The following NEK9 variants were observed in gnomAD, a reference collection of about 807,000 sequenced individuals.
The protein encoded by NEK9 is serine/threonine-protein kinase Nek9.
NEK9 carries 75 observed loss-of-function variants against 123.4 expected under a neutral mutation model. That is an observed-to-expected ratio of 0.61 (90% CI 0.50 to 0.74). The LOEUF is 0.74. Among genes scored for constraint, NEK9 ranks in the 30% least tolerant of loss-of-function variants. NEK9 has a pLI of 0.00. For missense variants in NEK9, 952 were observed against 1,214.4 expected (o/e 0.78, Z 3.21); for synonymous variants, 438 against 458.7 (o/e 0.95, Z 0.58).
intron 17 of NEK9, 41 bp from the exon 18 acceptor site, chr14:75,095,472 A>T: frequency 7.3e-7 from 1 of 1,372,872 alleles, no homozygotes; most frequent in Non-Finnish European, 1.0e-6. Flanking sequence ...GTATACTGAT[A>T]TAGGCAAGAA....
intron 8 of NEK9, among the ~76,000 whole-genome samples, chr14:75,111,030 T>C (rs893059557): frequency 2.6e-5 from 4 of 152,196 alleles, no homozygotes; most frequent in African/African-American, 7.2e-5. Flanking sequence ...CATTTTACTA[T>C]ACTAATTTAA....
chr14:75,119,268 G>A (rs1433021317), intron 4 of NEK9, among the ~76,000 whole-genome samples: 1 of 151,458 alleles, frequency 6.6e-6, no homozygotes, highest in African/African-American at 2.4e-5. Flanking sequence ...AGTCATGATT[G>A]CACCACTACA....
rs748228678 is a variant in NEK9 at position 75,084,588 on chromosome 14, T to G, written c.2916A>C (p.Thr972=). The G allele has an allele frequency of 6.2e-7, 1 of 1,614,190 alleles. No individual in the cohort carries two copies. The highest frequency in any genetic ancestry group is 8.5e-7 in the Non-Finnish European group (1 of 1,180,000). ...ACTAGAGGCTGGGTCTACAGGAGTCTGTTCCCAGGAGGCACCAGGAATCTG... is the reference window on the plus strand; with the variant it reads ...ACTAGAGGCTGGGTCTACAGGAGTCGGTTCCCAGGAGGCACCAGGAATCTG... ...LDSDSWCLLG[T]DSCRPSL The change falls in exon 22 of 22, where the codon ACA becomes ACC. Residue 972 remains threonine, a synonymous_variant. Transcript: ENST00000238616.
intron 18 of NEK9, among the ~76,000 whole-genome samples, chr14:75,093,146 A>G (rs997751727): frequency 2.6e-5 from 4 of 152,230 alleles, no homozygotes; most frequent in Admixed American, 1.3e-4. Context: ...GCTTAAACTT[A>G]AAGAGAATTA....
intron 1 of NEK9, among the ~76,000 whole-genome samples, chr14:75,124,508 T>C (rs1479910517): frequency 6.6e-6 from 1 of 152,206 alleles, no homozygotes. Flanking sequence ...AAAGATTCTA[T>C]TGAGGATACT....
At position 75,118,834 on chromosome 14, in the gene NEK9, T is replaced by C; in HGVS notation, c.626A>G (p.Glu209Gly). ...KKLNSEYSMA[E>G]TLVGTPYYMS... ...TAAGACAAGGGCAACACATACCGTC[T>C]CAGCCATGGAATACTCAGAATTAAG... is the stretch of plus-strand genomic sequence containing the variant. The change falls in exon 5 of 22, where the codon GAG becomes GGG. Residue 209 changes from glutamate (E) to glycine (G), a missense_variant. Glu to Gly is a moderately conservative substitution (Grantham distance 98). Coordinates refer to ENST00000238616, the MANE Select transcript of NEK9 (RefSeq NM_033116.6). The C allele has an allele frequency of 6.4e-7, 1 of 1,569,308 alleles. No individual in the cohort carries two copies. The highest frequency in any genetic ancestry group is 8.8e-7 in the Non-Finnish European group (1 of 1,139,334).
intron 16 of NEK9, among the ~76,000 whole-genome samples, chr14:75,100,778 A>G (rs1894549532): frequency 6.6e-6 from 1 of 152,276 alleles, no homozygotes; most frequent in African/African-American, 2.4e-5. Flanking sequence ...TTAACCTATC[A>G]TTATCTAGAA....
intron 14 of NEK9, among the ~76,000 whole-genome samples, chr14:75,102,409 G>A (rs532218415): frequency 2.4e-3 from 370 of 151,992 alleles, no homozygotes; most frequent in African/African-American, 8.5e-3. Context: ...GTGCAGTGGC[G>A]CGGTCTCGGC....
chr14:75,087,348 T>A (rs1017679144), intron 20 of NEK9, 118 bp from the exon 21 acceptor site: 2 of 673,596 alleles, frequency 3.0e-6, no homozygotes, highest in Non-Finnish European at 5.1e-6. Flanking sequence ...AAATCATATA[T>A]ACACATGAAT....
chr14:75,113,062 A>G (rs969955838), intron 8 of NEK9, among the ~76,000 whole-genome samples: 12 of 152,220 alleles, frequency 7.9e-5, no homozygotes, highest in African/African-American at 2.4e-4. Flanking sequence ...CCTCTTCCTT[A>G]CTGCACTCTA....
chr14:75,104,355 G>A (rs893460426), intron 13 of NEK9, among the ~76,000 whole-genome samples: 2 of 151,922 alleles, frequency 1.3e-5, no homozygotes, highest in Admixed American at 6.6e-5. Context: ...TATTAGAGAT[G>A]AGGTTTTGCC....
chr14:75,099,202 G>C (rs1195714805), intron 16 of NEK9, among the ~76,000 whole-genome samples: 2 of 152,106 alleles, frequency 1.3e-5, no homozygotes, highest in African/African-American at 4.8e-5. Flanking sequence ...GCACACGCCT[G>C]TAATTCCAGC....
chr14:75,110,698 C>G (rs901710165), intron 8 of NEK9, among the ~76,000 whole-genome samples: 2 of 151,888 alleles, frequency 1.3e-5, no homozygotes, highest in African/African-American at 4.8e-5. Flanking sequence ...AGTCTGCCCA[C>G]TGACTCCCAA....
intron 13 of NEK9, among the ~76,000 whole-genome samples, chr14:75,104,937 A>G (rs897920576): frequency 3.9e-5 from 6 of 152,242 alleles, no homozygotes; most frequent in African/African-American, 1.4e-4. Flanking sequence ...AGAAGCTTCA[A>G]TTCATTGCTG....
intron 19 of NEK9, among the ~76,000 whole-genome samples, 154 bp downstream of exon 19, chr14:75,091,116 A>G (rs1161063443): frequency 1.3e-5 from 2 of 152,246 alleles, no homozygotes; most frequent in Non-Finnish European, 2.9e-5. Flanking sequence ...ATTAGTGATT[A>G]GGCAATTTCT....
At chr14:75,088,709 T>C in intron 19 of NEK9, 68 bp from the exon 20 acceptor site, 1 of 1,469,024 alleles carries the variant, frequency 6.8e-7, no homozygotes, top group Non-Finnish European at 9.3e-7. Context: ...TTCCCTTCTT[T>C]TTGCTATAGT....
At chr14:75,096,477 A>G (rs1894388166) in intron 17 of NEK9, among the ~76,000 whole-genome samples, 1 of 152,158 alleles carries the variant, frequency 6.6e-6, no homozygotes, top group South Asian at 2.1e-4. Context: ...GTTTCTCATG[A>G]AAGCATGAGC....
Position 75,103,826 on chromosome 14 carries a change from C to A in NEK9, c.1731+16G>T, listed in dbSNP as rs776086240. On this transcript the variant is annotated intron_variant, in intron 14 of 21. Transcript: ENST00000238616. ...AATTCTGATGATGTGGTTAGAACAC[C>A]AATCAGGACACTCACTTCATGGTTG... 6.3e-7 allele frequency: 1 copy of A among 1,595,142 alleles called. No homozygotes were observed. Among genetic ancestry groups the A allele is most frequent in the Non-Finnish European group, 8.5e-7 (1 of 1,170,992 alleles).
Position 75,079,626 on chromosome 14 carries a change from T to C in NEK9, c.*4938A>G, listed in dbSNP as rs1052320964. 2.6e-5 allele frequency: 4 copies of C among 152,242 alleles called. No homozygotes were observed. Among genetic ancestry groups the C allele is most frequent in the African/African-American group, 9.6e-5 (4 of 41,462 alleles). The allele number at this position is 152,242 out of a possible 1,614,324, so 9.4% of individuals were successfully genotyped here. On this transcript the variant is annotated 3_prime_UTR_variant, in exon 22 of 22. Transcript: ENST00000238616. The stretch of plus-strand genomic sequence containing the variant: ...GATGTTTTATTTCGCTGGCCTAGCA[T>C]TCATAATATGATCTGACATTTAAAA...
Sources: gnomAD v4.1 joint callset for allele counts (sites outside exome capture counted in the v4.1 genomes callset) on GRCh38, gnomAD v4.1.1 for gene constraint, MANE v1.5 for transcripts, NCBI Gene and HGNC (gene_info 2026-07-23, HGNC 2026-07-21) for gene names.